Variants in PCMTD1 observed in about 807,000 individuals in gnomAD.
The protein encoded by PCMTD1 is protein-L-isoaspartate O-methyltransferase domain-containing protein 1.
Under a neutral mutation model 37.6 loss-of-function variants are expected in PCMTD1, and 12 were observed. The ratio of observed to expected loss-of-function variants is 0.32; its 90% CI spans 0.20 to 0.52. PCMTD1 has a LOEUF of 0.52. PCMTD1 is among the 20% of genes least tolerant of loss of function. The pLI is 0.97. For synonymous variants in PCMTD1, 117 were observed against 135.8 expected, an observed-to-expected ratio of 0.86 and a Z score of 0.96; for missense variants, 235 against 421.3, an observed-to-expected ratio of 0.56 and a Z score of 3.87.
At chr8:51,858,431 A>G (rs1205761560) in intron 2 of PCMTD1, among the ~76,000 whole-genome samples, 1 of 152,220 alleles carries the variant, frequency 6.6e-6, no homozygotes, top group African/African-American at 2.4e-5. Context: ...GTGGCTGTGA[A>G]GCAGTGGAGC....
intron 1 of PCMTD1, among the ~76,000 whole-genome samples, chr8:51,877,998 C>T (rs1482243479): frequency 6.6e-6 from 1 of 152,160 alleles, no homozygotes; most frequent in African/African-American, 2.4e-5. Flanking sequence ...CATCAAAATG[C>T]AAGCAACTAA....
chr8:51,855,205 C>T (rs1014409321), intron 2 of PCMTD1, among the ~76,000 whole-genome samples: 1,530 of 116,508 alleles, frequency 0.013, 14 homozygotes, highest in Middle Eastern at 0.071. Context: ...AAAAAAAAAA[C>T]ATAATTTATA....
chr8:51,859,438 T>C (rs185231282), intron 2 of PCMTD1, among the ~76,000 whole-genome samples: 1 of 152,290 alleles, frequency 6.6e-6, no homozygotes, highest in Non-Finnish European at 1.5e-5. Flanking sequence ...GATTTCTCTT[T>C]ATCGATGAAA....
intron 1 of PCMTD1, among the ~76,000 whole-genome samples, chr8:51,872,507 C>G (rs1225855235): frequency 6.6e-6 from 1 of 152,088 alleles, no homozygotes; most frequent in African/African-American, 2.4e-5. Context: ...CCTCCTCTAA[C>G]TCAGGAAAAG....
At chr8:51,849,985 A>G in intron 2 of PCMTD1, 1 of 687,504 alleles carries the variant, frequency 1.5e-6, no homozygotes, top group East Asian at 2.7e-5. Flanking sequence ...GCTAACTTAC[A>G]GAACATAGCC....
intron 4 of PCMTD1, among the ~76,000 whole-genome samples, chr8:51,831,787 T>C (rs562370676): frequency 6.6e-6 from 1 of 152,356 alleles, no homozygotes; most frequent in South Asian, 2.1e-4. Context: ...GCAAATGGGA[T>C]ACTCAAATAT....
chr8:51,864,121 T>C (rs1180539431), intron 1 of PCMTD1, among the ~76,000 whole-genome samples: 1 of 151,964 alleles, frequency 6.6e-6, no homozygotes, highest in Non-Finnish European at 1.5e-5. Flanking sequence ...TATACTTCCA[T>C]CAGACAAAAT....
At chr8:51,830,584 A>C (rs2037984108) in intron 5 of PCMTD1, among the ~76,000 whole-genome samples, 1 of 152,176 alleles carries the variant, frequency 6.6e-6, no homozygotes, top group Non-Finnish European at 1.5e-5. Flanking sequence ...GGGTGTAAGA[A>C]AAGCCACCTG....
At chr8:51,891,687 CATATATATGTATATATATATATAT>C (rs1320763123) in intron 1 of PCMTD1, among the ~76,000 whole-genome samples, 1 of 89,840 alleles carries the variant, frequency 1.1e-5, no homozygotes, top group Admixed American at 1.6e-4. Context: ...TATATATATA[CATATATATGTATATATATATATAT>C]AGCTTCAGAA....
chr8:51,826,755 C>T (rs1310815648), intron 5 of PCMTD1, among the ~76,000 whole-genome samples: 1 of 152,070 alleles, frequency 6.6e-6, no homozygotes, highest in African/African-American at 2.4e-5. Flanking sequence ...CTTCATATAG[C>T]TCAATGTGAT....
intron 1 of PCMTD1, among the ~76,000 whole-genome samples, chr8:51,892,752 T>C (rs951888389): frequency 6.6e-6 from 1 of 152,210 alleles, no homozygotes; most frequent in African/African-American, 2.4e-5. Flanking sequence ...CATAGAGATA[T>C]ATGGTTATGT....
chr8:51,885,615 T>C (rs2038854547), intron 1 of PCMTD1, among the ~76,000 whole-genome samples: 1 of 152,166 alleles, frequency 6.6e-6, no homozygotes. Flanking sequence ...ACTGAAAAAC[T>C]CCTTAAATTT....
At chr8:51,891,378 C>G (rs1044355145) in intron 1 of PCMTD1, among the ~76,000 whole-genome samples, 1 of 151,868 alleles carries the variant, frequency 6.6e-6, no homozygotes, top group Admixed American at 6.6e-5. Context: ...ACTGAGACAC[C>G]TATCTCTACA....
chr8:51,826,971 C>G, intron 5 of PCMTD1: 2 of 926,280 alleles, frequency 2.2e-6, no homozygotes, highest in Non-Finnish European at 2.6e-6. Context: ...TTGATTACTA[C>G]AAGATACATT....
intron 3 of PCMTD1, among the ~76,000 whole-genome samples, chr8:51,835,051 G>T (rs2038050457): frequency 6.6e-6 from 1 of 152,240 alleles, no homozygotes; most frequent in African/African-American, 2.4e-5. Flanking sequence ...TGCTACGGGG[G>T]AATCTTTATG....
In PCMTD1 at chr8:51,831,483, T is replaced by C; in HGVS notation, c.667A>G (p.Ser223Gly). 6.2e-7 allele frequency: 1 copy of C among 1,613,886 alleles called. No individual in the cohort carries two copies. The highest frequency in any genetic ancestry group is 8.5e-7 in the Non-Finnish European group (1 of 1,179,898). The change falls in exon 5 of 6, where the codon AGT becomes GGT. Residue 223 changes from serine (S) to glycine (G), a missense_variant. This residue lies in a region of PCMTD1 where 183 missense variants were observed against 349.3 expected (regional missense o/e 0.52). Coordinates refer to ENST00000522514, the MANE Select transcript of PCMTD1 (RefSeq NM_052937.4). ...AVSFAPLVQP[S>G]KNDNGKPDSV... is the part of the protein sequence containing the mutation. ...TCTGGTTTGCCATTATCATTCTTAC[T>C]TGGTTGCACAAGTGGAGCAAATGAA...
intron 3 of PCMTD1, among the ~76,000 whole-genome samples, chr8:51,837,938 A>G (rs1317930522): frequency 6.6e-6 from 1 of 151,894 alleles, no homozygotes; most frequent in African/African-American, 2.4e-5. Flanking sequence ...GACCACCACA[A>G]TCAGCTAATT....
At chr8:51,853,879 T>C (rs2038344335) in intron 2 of PCMTD1, among the ~76,000 whole-genome samples, 1 of 151,992 alleles carries the variant, frequency 6.6e-6, no homozygotes, top group African/African-American at 2.4e-5. Flanking sequence ...GCTAGGAAGA[T>C]GCAAAGCAGG....
At chr8:51,876,676 A>T (rs935898730) in intron 1 of PCMTD1, among the ~76,000 whole-genome samples, 1 of 152,228 alleles carries the variant, frequency 6.6e-6, no homozygotes, top group African/African-American at 2.4e-5. Context: ...TGTCAAAGAT[A>T]AAGAAGCCAG....
Sources: gnomAD v4.1 joint callset for allele counts (sites outside exome capture counted in the v4.1 genomes callset) on GRCh38, gnomAD v4.1.1 for gene constraint, gnomAD v4.1.1 regional missense constraint, MANE v1.5 for transcripts, NCBI Gene and HGNC (gene_info 2026-07-23, HGNC 2026-07-21) for gene names.